The following HNRNPUL2 variants were observed in gnomAD, a reference collection of about 807,000 sequenced individuals.
HNRNPUL2 encodes the protein heterogeneous nuclear ribonucleoprotein U-like protein 2.
A neutral mutation model predicts 102.2 loss-of-function variants in HNRNPUL2; 27 were observed. That is an observed-to-expected ratio of 0.26 (90% CI 0.19 to 0.36). The LOEUF is 0.36. Among genes scored for constraint, HNRNPUL2 ranks in the 10% least tolerant of loss-of-function variants. The pLI is 1.00. For synonymous variants in HNRNPUL2, 458 were observed against 387.2 expected (o/e 1.18, Z -2.15); for missense variants, 936 against 981.1 (o/e 0.95, Z 0.61).
chr11:62,727,160 C>T lies in HNRNPUL2; in HGVS notation c.-4G>A. 7.0e-7 allele frequency: 1 copy of T among 1,431,026 alleles called. No homozygotes were observed. Among genetic ancestry groups the T allele is most frequent in the South Asian group, 1.4e-5 (1 of 73,826 alleles). The allele number at this position is 1,431,026 out of a possible 1,614,324, so 88.6% of individuals were successfully genotyped here. On this transcript the variant is annotated 5_prime_UTR_variant, in exon 1 of 14. Transcript: ENST00000301785. ...CTTTCAGCCGCTTCACCTCCATCGCCGCCGCCGCCTCCTCCGCCTCCCGCC... is the reference window on the plus strand; with the variant it reads ...CTTTCAGCCGCTTCACCTCCATCGCTGCCGCCGCCTCCTCCGCCTCCCGCC...
chr11:62,722,415 G>A (rs1303072775), intron 6 of HNRNPUL2, 35 bp from the exon 7 acceptor site: 2 of 1,603,518 alleles, frequency 1.2e-6, no homozygotes, highest in Non-Finnish European at 1.7e-6. Flanking sequence ...CTTATTGGCT[G>A]ACGAGGCTTT....
chr11:62,723,729 G>T lies in HNRNPUL2; in HGVS notation c.752-3C>A. The T allele has an allele frequency of 1.2e-6, 2 of 1,614,130 alleles. No individual in the cohort carries two copies. The highest frequency in any genetic ancestry group is 1.7e-6 in the Non-Finnish European group (2 of 1,180,016). ...TTGAAAATGCAGATCCGAGGTATCTGTAAAGAAAGAAGCAATCAGTTTACT... is the reference window on the plus strand; with the variant it reads ...TTGAAAATGCAGATCCGAGGTATCTTTAAAGAAAGAAGCAATCAGTTTACT... On this transcript the variant is annotated splice_region_variant and splice_polypyrimidine_tract_variant and intron_variant, in intron 3 of 13. Coordinates refer to ENST00000301785, the MANE Select transcript of HNRNPUL2 (RefSeq NM_001079559.3).
rs1269877169 is a variant in HNRNPUL2 at position 62,714,945 on chromosome 11, G to A, written c.*354C>T. On this transcript the variant is annotated 3_prime_UTR_variant, in exon 14 of 14. Transcript: ENST00000301785. ...TCCAGCTGCCTCAGAATGTCAGAAG[G>A]GTGCCATTTTCAGTTCTTTTCCTGT... 5.2e-6 allele frequency: 1 copy of A among 193,916 alleles called. No individual in the cohort carries two copies. The highest frequency in any genetic ancestry group is 1.1e-5 in the Non-Finnish European group (1 of 93,524). The allele number at this position is 193,916 out of a possible 1,614,324, so 12.0% of individuals were successfully genotyped here.
rs1314827369 is a variant in HNRNPUL2 at position 62,717,892 on chromosome 11, GTGAT to G, written c.1781-707_1781-704del. Among the ~76,000 whole-genome samples, 3 of 152,298 alleles carry G rather than the reference GTGAT, an allele frequency of 2.0e-5. No individual in the cohort carries two copies. In the East Asian group the frequency reaches 5.8e-4, roughly 29 times the overall value. The stretch of plus-strand genomic sequence containing the variant: ...AAGGGCTCTCATTTACCACCTGTCC[GTGAT>G]AGGCCAGCACATCTGCCAGTCTCTG... On this transcript the variant is annotated intron_variant, in intron 10 of 13. Coordinates refer to ENST00000301785, the MANE Select transcript of HNRNPUL2 (RefSeq NM_001079559.3).
intron 10 of HNRNPUL2, among the ~76,000 whole-genome samples, chr11:62,717,418 G>A (rs2083668893): frequency 1.3e-5 from 2 of 152,198 alleles, no homozygotes; most frequent in South Asian, 2.1e-4. Context: ...AGATTTACAA[G>A]TTCTTAAGTG....
chr11:62,724,500 T>TA (rs1304300847), intron 1 of HNRNPUL2, 74 bp from the exon 2 acceptor site: 1 of 1,511,834 alleles, frequency 6.6e-7, no homozygotes, highest in Non-Finnish European at 9.2e-7. Context: ...TAATAGACAC[T>TA]AACAGGGAAT....
intron 9 of HNRNPUL2, among the ~76,000 whole-genome samples, chr11:62,720,817 T>C (rs1413936602): frequency 7.9e-6 from 1 of 127,142 alleles, no homozygotes; most frequent in Non-Finnish European, 1.5e-5. Flanking sequence ...TGAGCCGAGA[T>C]AGCGCCACTG....
chr11:62,716,901 G>C lies in HNRNPUL2; in HGVS notation c.1981+88C>G, dbSNP rs976800927. 2.9e-6 allele frequency: 4 copies of C among 1,361,496 alleles called. No individual in the cohort carries two copies. In the African/African-American group the frequency reaches 5.8e-5, roughly 20 times the overall value. The allele number at this position is 1,361,496 out of a possible 1,614,324, so 84.3% of individuals were successfully genotyped here. ...TTCCGTATTGTTAATGACCTGACTT[G>C]GTTTCCTTGGCCTTCCCTTGCACAT... On this transcript the variant is annotated intron_variant, in intron 11 of 13. Transcript: ENST00000301785.
intron 4 of HNRNPUL2, among the ~76,000 whole-genome samples, chr11:62,723,284 G>C (rs1242932642): frequency 2.0e-5 from 3 of 152,210 alleles, no homozygotes; most frequent in Non-Finnish European, 4.4e-5. Context: ...CTGAGGTCGG[G>C]AGTTCAAGAC....
At chr11:62,722,448 T>C in intron 6 of HNRNPUL2, 68 bp from the exon 7 acceptor site, 1 of 1,551,124 alleles carries the variant, frequency 6.4e-7, no homozygotes, top group Non-Finnish European at 8.8e-7. Context: ...CTTTACAATT[T>C]ATTCTTTTTT....
In HNRNPUL2 at chr11:62,721,895, T is replaced by G; in HGVS notation, c.1407A>C (p.Ala469=). The change falls in exon 8 of 14, where the codon GCA becomes GCC. Residue 469 remains alanine, a synonymous_variant. Transcript: ENST00000301785. The part of the protein sequence containing the change: ...GLPGSGKTQW[A]LKYAKENPEK... ...CAGGGTTTTCTTTTGCATATTTCAG[T>G]GCCCACTGGGTCTTTCCAGATCCGG... is the stretch of plus-strand genomic sequence containing the variant. 1 of 1,614,176 alleles carries G rather than the reference T, an allele frequency of 6.2e-7. No individual in the cohort carries two copies. Among genetic ancestry groups the G allele is most frequent in the Non-Finnish European group, 8.5e-7 (1 of 1,179,988 alleles).
intron 11 of HNRNPUL2, 56 bp from the exon 12 acceptor site, chr11:62,715,993 A>G: frequency 7.2e-7 from 1 of 1,385,752 alleles, no homozygotes; most frequent in Non-Finnish European, 9.8e-7. Context: ...CTGGCTCCAC[A>G]TCTGGGTGGA....
rs568194172 is a variant in HNRNPUL2 at position 62,725,168 on chromosome 11, T to C, written c.539-742A>G. Among the ~76,000 whole-genome samples, 7 of 152,314 alleles carry C rather than the reference T, an allele frequency of 4.6e-5. No individual in the cohort carries two copies. The East Asian group carries it at 1.3e-3, about 29-fold the overall frequency. Reference sequence around the variant, plus strand: ...TTTGCAACACTAGGAAGGTTTTTAATAATAATTTCTTTAAAGCAGTCTTTT... The same window carrying C: ...TTTGCAACACTAGGAAGGTTTTTAACAATAATTTCTTTAAAGCAGTCTTTT... On this transcript the variant is annotated intron_variant, in intron 1 of 13. Coordinates refer to ENST00000301785, the MANE Select transcript of HNRNPUL2 (RefSeq NM_001079559.3).
rs778555033 is a variant in HNRNPUL2 at position 62,717,084 on chromosome 11, G to C, written c.1886C>G (p.Ala629Gly). ...CTCGGAGGGGGGCAGAAGCTTCCTTGCCTCCTCCTTGTACTTAGTGACAAT... is the reference window on the plus strand; with the variant it reads ...CTCGGAGGGGGGCAGAAGCTTCCTTCCCTCCTCCTTGTACTTAGTGACAAT... Reference protein sequence around the residue: ...QPIVTKYKEEARKLLPPSEKR... With the variant: ...QPIVTKYKEEGRKLLPPSEKR... Residue 629 changes from alanine to glycine, a missense_variant, in exon 11 of 14, where the codon GCA (alanine) becomes GGA (glycine). By Grantham distance (60) the Ala-to-Gly change is moderately conservative. This residue lies in a region of HNRNPUL2 where 609 missense variants were observed against 713.0 expected (regional missense o/e 0.85). Transcript: ENST00000301785. The C allele has an allele frequency of 6.2e-7, 1 of 1,614,098 alleles. No individual in the cohort carries two copies. The highest frequency in any genetic ancestry group is 1.7e-5 in the Admixed American group (1 of 60,014).
In HNRNPUL2 at chr11:62,715,622, G is replaced by C. The variant is rs370992060; in HGVS notation, c.2056-15C>G. Reference sequence around the variant, plus strand: ...TTACGGTAACCCTGAGAAAGGAAAAGAAAAAGGAGTGAAGGTTTATGGGTT... The same window carrying C: ...TTACGGTAACCCTGAGAAAGGAAAACAAAAAGGAGTGAAGGTTTATGGGTT... On this transcript the variant is annotated splice_polypyrimidine_tract_variant and intron_variant, in intron 12 of 13. Coordinates refer to ENST00000301785, the MANE Select transcript of HNRNPUL2 (RefSeq NM_001079559.3). 1.9e-6 allele frequency: 3 copies of C among 1,588,972 alleles called. No individual in the cohort carries two copies. Among genetic ancestry groups the C allele is most frequent in the Non-Finnish European group, 2.6e-6 (3 of 1,157,650 alleles).
chr11:62,725,204 A>G (rs963483701), intron 1 of HNRNPUL2, among the ~76,000 whole-genome samples: 10 of 152,038 alleles, frequency 6.6e-5, no homozygotes, highest in Non-Finnish European at 1.5e-4. Context: ...ATCCTTCAAT[A>G]TATATTTTTT....
chr11:62,725,236 C>T (rs1356865794), intron 1 of HNRNPUL2, among the ~76,000 whole-genome samples: 2 of 152,158 alleles, frequency 1.3e-5, no homozygotes, highest in South Asian at 2.1e-4. Flanking sequence ...CTCGTTCTGT[C>T]GCCCAGGCTG....
At position 62,722,210 on chromosome 11, in the gene HNRNPUL2, G is replaced by C; in HGVS notation, c.1266C>G (p.Phe422Leu). The C allele has an allele frequency of 1.2e-6, 2 of 1,614,156 alleles. No homozygotes were observed. Among genetic ancestry groups the C allele is most frequent in the Non-Finnish European group, 1.7e-6 (2 of 1,180,024 alleles). The stretch of plus-strand genomic sequence containing the variant: ...TGAACACAAACTCTTCTGGTGGTGG[G>C]AAGAAGGGCTCCTCCTTCTGACCGA... ...LNFGQKEEPFFPPPEEFVFIH... is the reference protein window; with the variant it reads ...LNFGQKEEPFLPPPEEFVFIH... The change falls in exon 7 of 14, where the codon TTC (phenylalanine) becomes TTG (leucine). Residue 422 changes from phenylalanine to leucine, a missense_variant. By Grantham distance (22) the Phe-to-Leu change is conservative (BLOSUM62 0). Transcript: ENST00000301785.
At chr11:62,721,148 T>C in intron 9 of HNRNPUL2, 147 bp downstream of exon 9, 2 of 685,130 alleles carry the variant, frequency 2.9e-6, no homozygotes, top group South Asian at 1.9e-5. Flanking sequence ...AAACACTAAT[T>C]AGGGGTACCT....
Sources: allele counts gnomAD v4.1 joint callset (sites outside exome capture counted in the v4.1 genomes callset), GRCh38; gene constraint gnomAD v4.1.1; regional missense constraint gnomAD v4.1.1; transcripts MANE v1.5; gene names NCBI Gene and HGNC (gene_info 2026-07-23, HGNC 2026-07-21).